The following OSBPL3 variants were observed in gnomAD, a reference collection of about 807,000 sequenced individuals.
OSBPL3 encodes the protein oxysterol-binding protein-related protein 3.
OSBPL3 carries 65 observed loss-of-function variants against 120.1 expected under a neutral mutation model. That is an observed-to-expected ratio of 0.54 (90% CI 0.44 to 0.67). OSBPL3 has a LOEUF of 0.67. OSBPL3 is among the 30% of genes least tolerant of loss of function. The pLI is 0.00. For missense variants in OSBPL3, 1,004 were observed against 1,082.1 expected (o/e 0.93, Z 1.01); for synonymous variants, 416 against 402.6 (o/e 1.03, Z -0.40).
intron 7 of OSBPL3, among the ~76,000 whole-genome samples, chr7:24,864,564 C>G (rs1018236926): frequency 1.3e-5 from 2 of 152,166 alleles, no homozygotes; most frequent in African/African-American, 4.8e-5. Flanking sequence ...TACCTGTATT[C>G]AACAAGAGAT....
chr7:24,892,568 C>T lies in OSBPL3; in HGVS notation c.-96G>A. ...GTCCCCAGTGGCAGGTGGTTTAGCT[C>T]TTATCCAAAGTATTTAAAAAACATT... On this transcript the variant is annotated 5_prime_UTR_variant, in exon 2 of 23. Transcript: ENST00000313367. The T allele has an allele frequency of 6.7e-7, 1 of 1,493,184 alleles. No homozygotes were observed. The highest frequency in any genetic ancestry group is 9.0e-7 in the Non-Finnish European group (1 of 1,108,558). The allele number at this position is 1,493,184 out of a possible 1,614,324, so 92.5% of individuals were successfully genotyped here.
chr7:24,858,346 CA>C (rs1196018553), intron 10 of OSBPL3, among the ~76,000 whole-genome samples: 2 of 152,170 alleles, frequency 1.3e-5, no homozygotes, highest in African/African-American at 4.8e-5. Context: ...CTGTCAGTAA[CA>C]AAACGAGGTT....
chr7:24,908,771 T>C (rs1156770477), intron 1 of OSBPL3, among the ~76,000 whole-genome samples: 5 of 152,370 alleles, frequency 3.3e-5, no homozygotes, highest in African/African-American at 1.2e-4. Context: ...TCCTCTGTTA[T>C]TGGTCTTTTT....
Position 24,815,190 on chromosome 7 carries a change from A to T in OSBPL3, c.2041T>A (p.Phe681Ile). Residue 681 changes from phenylalanine to isoleucine, a missense_variant, in exon 19 of 23, where the codon TTT becomes ATT. Physicochemically the swap from Phe to Ile is conservative, Grantham distance 21. Coordinates refer to ENST00000313367, the MANE Select transcript of OSBPL3 (RefSeq NM_015550.4). This position sits in a 1 kb window ranked among gnomAD's most constrained non-coding sequence, Gnocchi z 5.1. ...HVTLPVFGDH[F>I]EWNKVTSCIH... ...CAAGAGGTCACTTTGTTCCACTCAA[A>T]ATGATCCCCAAAACTAAAAAGAAGG... is the stretch of plus-strand genomic sequence containing the variant. The T allele has an allele frequency of 3.1e-6, 5 of 1,613,210 alleles. No individual in the cohort carries two copies. Among genetic ancestry groups the T allele is most frequent in the Non-Finnish European group, 4.2e-6 (5 of 1,179,760 alleles).
chr7:24,981,156 T>C (rs1204191819), upstream of OSBPL3, among the ~76,000 whole-genome samples: 1 of 151,926 alleles, frequency 6.6e-6, no homozygotes, highest in Non-Finnish European at 1.5e-5. The surrounding 1 kb of genome is among the most constrained non-coding windows in gnomAD (Gnocchi z 7.3). Context: ...AAAATACATA[T>C]CTATGCAAAA....
At chr7:24,963,460 C>T (rs1816016131) in intron 1 of OSBPL3, among the ~76,000 whole-genome samples, 2 of 152,232 alleles carry the variant, frequency 1.3e-5, no homozygotes, top group Admixed American at 1.3e-4. Context: ...CTCACCATGG[C>T]AGCCTCCACC....
At chr7:24,811,685 G>A (rs1432678708) in intron 19 of OSBPL3, among the ~76,000 whole-genome samples, 1 of 152,202 alleles carries the variant, frequency 6.6e-6, no homozygotes, top group East Asian at 1.9e-4. Flanking sequence ...TTTGTCTACA[G>A]TATAAAGTTC....
rs1452822427 is a variant in OSBPL3 at position 24,852,497 on chromosome 7, A to C, written c.1158+7T>G. 1 of 1,561,248 alleles carries C rather than the reference A, an allele frequency of 6.4e-7. No homozygotes were observed. Among genetic ancestry groups the C allele is most frequent in the East Asian group, 2.3e-5 (1 of 43,920 alleles). ...CAGGCATTCCTGGAGGCAGACATGT[A>C]ACTTACGGATGACAGGGCGTTCTTC... On this transcript the variant is annotated splice_region_variant and intron_variant, in intron 11 of 22. Coordinates refer to ENST00000313367, the MANE Select transcript of OSBPL3 (RefSeq NM_015550.4). This position sits in a 1 kb window ranked among gnomAD's most constrained non-coding sequence, Gnocchi z 4.1.
At position 24,952,845 on chromosome 7, in the gene OSBPL3, T is replaced by C. The variant is rs548808830; in HGVS notation, c.-150+27041A>G. Among the ~76,000 whole-genome samples, 15 of 152,178 alleles carry C rather than the reference T, an allele frequency of 9.9e-5. No homozygotes were observed. Among genetic ancestry groups the C allele is most frequent in the Admixed American group, 6.5e-4 (10 of 15,290 alleles). On this transcript the variant is annotated intron_variant, in intron 1 of 22. Coordinates refer to ENST00000313367, the MANE Select transcript of OSBPL3 (RefSeq NM_015550.4). This position sits in a 1 kb window ranked among gnomAD's most constrained non-coding sequence, Gnocchi z 4.4. ...TCAACCCCGCTTCCCCTCCCCAATC[T>C]CATTTAAAATAACTCTGGGATGGCC...
chr7:24,843,941 T>C (rs571767467), intron 12 of OSBPL3, among the ~76,000 whole-genome samples: 1 of 152,240 alleles, frequency 6.6e-6, no homozygotes, highest in African/African-American at 2.4e-5. Context: ...CATCATTTAT[T>C]TACTTGTTCT....
chr7:24,937,191 TC>T lies in OSBPL3; in HGVS notation c.-150+42694del, dbSNP rs894093359. Among the ~76,000 whole-genome samples, 3 of 152,078 alleles carry T rather than the reference TC, an allele frequency of 2.0e-5. No homozygotes were observed. Among genetic ancestry groups the T allele is most frequent in the African/African-American group, 7.2e-5 (3 of 41,410 alleles). On this transcript the variant is annotated intron_variant, in intron 1 of 22. Coordinates refer to ENST00000313367, the MANE Select transcript of OSBPL3 (RefSeq NM_015550.4). The surrounding 1 kb of genome is among the most constrained non-coding windows in gnomAD (Gnocchi z 4.0). The stretch of plus-strand genomic sequence containing the variant: ...AAAAGGCCCTTATATTATAAAACCA[TC>T]AGATGTAGTGAGAACTAACTTATTA...
Position 24,849,561 on chromosome 7 carries a change from G to A in OSBPL3, c.1159-385C>T, listed in dbSNP as rs1024627355. ...GCCAAATCCCTTCCTAAGGAATCCA[G>A]GCTTCTATCTGCTTTGAAGAATATG... is the stretch of plus-strand genomic sequence containing the variant. On this transcript the variant is annotated intron_variant, in intron 11 of 22. Transcript: ENST00000313367. This position sits in a 1 kb window ranked among gnomAD's most constrained non-coding sequence, Gnocchi z 5.4. 6.6e-6 allele frequency among the ~76,000 whole-genome samples: 1 copy of A among 152,166 alleles called. No homozygotes were observed. The highest frequency in any genetic ancestry group is 2.4e-5 in the African/African-American group (1 of 41,436).
chr7:24,846,224 T>C (rs1003171837), intron 12 of OSBPL3, among the ~76,000 whole-genome samples: 2 of 152,226 alleles, frequency 1.3e-5, no homozygotes, highest in African/African-American at 4.8e-5. Flanking sequence ...TGGCTTGGCA[T>C]ACCGTTCTTC....
At chr7:24,892,171 G>A (rs1435100621) in intron 2 of OSBPL3, among the ~76,000 whole-genome samples, 3 of 152,054 alleles carry the variant, frequency 2.0e-5, no homozygotes, top group East Asian at 1.9e-4. Context: ...AAAATTATAC[G>A]AAGAACCAAA....
upstream of OSBPL3, among the ~76,000 whole-genome samples, chr7:24,980,509 G>A (rs1391032802): frequency 1.3e-5 from 2 of 152,070 alleles, no homozygotes; most frequent in African/African-American, 4.8e-5. Context: ...TTCGGTAAAT[G>A]TTCCTCTAGT....
At chr7:24,860,802 C>T (rs1010406968) in intron 10 of OSBPL3, among the ~76,000 whole-genome samples, 5 of 152,134 alleles carry the variant, frequency 3.3e-5, no homozygotes, top group African/African-American at 1.2e-4. Context: ...TATGGATGTA[C>T]CACAGTTTGT....
chr7:24,841,717 A>AAG (rs1554358560), intron 13 of OSBPL3, among the ~76,000 whole-genome samples: 847 of 82,750 alleles, frequency 0.01, 190 homozygotes, highest in African/African-American at 0.032. Context: ...AAAAAAAAAA[A>AAG]AAAAGAGGCC....
intron 2 of OSBPL3, among the ~76,000 whole-genome samples, chr7:24,876,818 C>T (rs1457783996): frequency 1.3e-5 from 2 of 152,096 alleles, no homozygotes; most frequent in Non-Finnish European, 2.9e-5. Context: ...TCTATGAAAG[C>T]AGGAACCTTT....
chr7:24,814,338 G>GGA (rs1562764295), intron 19 of OSBPL3, among the ~76,000 whole-genome samples: 1 of 152,086 alleles, frequency 6.6e-6, no homozygotes, highest in African/African-American at 2.4e-5. Flanking sequence ...GTGAAAGGGT[G>GGA]GAGATGGGGA....
Sources: allele counts gnomAD v4.1 joint callset (sites outside exome capture counted in the v4.1 genomes callset), GRCh38; gene constraint gnomAD v4.1.1; non-coding constraint Gnocchi (gnomAD v3.1); transcripts MANE v1.5; gene names NCBI Gene and HGNC (gene_info 2026-07-23, HGNC 2026-07-21).